HTR1D: variants seen among roughly 807,000 people sequenced by gnomAD.
HTR1D encodes 5-HT-1D.
A neutral mutation model predicts 21.1 loss-of-function variants in HTR1D; 18 were observed. The observed-to-expected ratio is 0.85, with a 90% CI of 0.59 to 1.27. HTR1D has a LOEUF of 1.27. HTR1D is among the 50% of genes most tolerant of loss of function. The pLI, the probability that HTR1D is intolerant of heterozygous loss-of-function variation, is 0.00. For synonymous variants in HTR1D, 196 were observed against 204.4 expected, an observed-to-expected ratio of 0.96 and a Z score of 0.35; for missense variants, 456 against 481.4, an observed-to-expected ratio of 0.95 and a Z score of 0.49.
At chr1:23,212,504 C>T (rs78667069) in intron 1 of HTR1D, among the ~76,000 whole-genome samples, 20,112 of 152,190 alleles carry the variant, frequency 0.13, 1,653 homozygotes, top group South Asian at 0.32. Context: ...TCTGTGCCAA[C>T]ACAGTGCCTC....
intron 1 of HTR1D, among the ~76,000 whole-genome samples, chr1:23,213,244 G>A (rs1644760785): frequency 6.6e-6 from 1 of 152,090 alleles, no homozygotes; most frequent in Non-Finnish European, 1.5e-5. Context: ...ATAAGGGTTG[G>A]GAGGTCGAGG....
In HTR1D at chr1:23,193,918, G is replaced by C; in HGVS notation, c.302C>G (p.Thr101Ser). Residue 101 changes from threonine to serine, a missense_variant, in exon 2 of 2, where the codon ACC (threonine) becomes AGC (serine). Physicochemically the swap from Thr to Ser is moderately conservative, Grantham distance 58 (BLOSUM62 1). Transcript: ENST00000374619. ...GATTTGGCCAAAGTTCCAGGTGTGG[G>C]TGATGGTATAGGCGATGCTGATGGG... ...VMPISIAYTI[T>S]HTWNFGQILC... The C allele has an allele frequency of 1.9e-6, 3 of 1,614,264 alleles. No individual in the cohort carries two copies. The highest frequency in any genetic ancestry group is 2.5e-6 in the Non-Finnish European group (3 of 1,180,054).
At chr1:23,216,366 ATTG>A (rs1037338601) in intron 1 of HTR1D, among the ~76,000 whole-genome samples, 6 of 152,220 alleles carry the variant, frequency 3.9e-5, no homozygotes, top group Non-Finnish European at 2.9e-5. Flanking sequence ...TGGGGTGAGA[ATTG>A]TTGTCCCCAC....
intron 1 of HTR1D, among the ~76,000 whole-genome samples, chr1:23,214,406 G>A (rs1644765576): frequency 6.6e-6 from 1 of 151,984 alleles, no homozygotes; most frequent in African/African-American, 2.4e-5. Context: ...TAGCCTGGGT[G>A]ACAAAGCCAG....
Position 23,193,240 on chromosome 1 carries a change from C to G in HTR1D, c.980G>C (p.Cys327Ser). 6.2e-7 allele frequency: 1 copy of G among 1,614,128 alleles called. No individual in the cohort carries two copies. Among genetic ancestry groups the G allele is most frequent in the East Asian group, 2.2e-5 (1 of 44,882 alleles). ...CGGGTGGATCCAGCAGGAGTCCCGGCAGATGGGGAGGACCAGAGACACCAC... is the reference window on the plus strand; with the variant it reads ...CGGGTGGATCCAGCAGGAGTCCCGGGAGATGGGGAGGACCAGAGACACCAC... ...FFVVSLVLPI[C>S]RDSCWIHPAL... is the part of the protein sequence containing the mutation. Residue 327 changes from cysteine (C) to serine (S), a missense_variant, in exon 2 of 2, where the codon TGC becomes TCC. Physicochemically the swap from Cys to Ser is moderately radical, Grantham distance 112. Transcript: ENST00000374619.
chr1:23,192,071 A>G lies in HTR1D; in HGVS notation c.*1015T>C, dbSNP rs1027122992. On this transcript the variant is annotated 3_prime_UTR_variant, in exon 2 of 2. Coordinates refer to ENST00000374619, the MANE Select transcript of HTR1D (RefSeq NM_000864.5). ...CGTCTAAAGCCGGTCAATCTACCTCAAAGGGGTGATCATGGGTTTCAACTT... is the reference window on the plus strand; with the variant it reads ...CGTCTAAAGCCGGTCAATCTACCTCGAAGGGGTGATCATGGGTTTCAACTT... 2.6e-5 allele frequency: 4 copies of G among 152,060 alleles called. No homozygotes were observed. The highest frequency in any genetic ancestry group is 6.6e-5 in the Admixed American group (1 of 15,258). 9.4% of individuals were successfully genotyped at this position (152,060 alleles called of 1,614,324 possible).
At chr1:23,200,558 T>C (rs1158297077) in intron 1 of HTR1D, among the ~76,000 whole-genome samples, 2 of 152,318 alleles carry the variant, frequency 1.3e-5, no homozygotes. Flanking sequence ...TATTTATTTA[T>C]GGATAGGGTC....
chr1:23,214,211 G>A (rs796924263), intron 1 of HTR1D, among the ~76,000 whole-genome samples: 25 of 152,282 alleles, frequency 1.6e-4, no homozygotes, highest in African/African-American at 5.5e-4. Flanking sequence ...AGGATCACTT[G>A]AGCTCAGGAG....
At chr1:23,213,835 G>C (rs1644763439) in intron 1 of HTR1D, among the ~76,000 whole-genome samples, 1 of 152,116 alleles carries the variant, frequency 6.6e-6, no homozygotes, top group Non-Finnish European at 1.5e-5. Flanking sequence ...GTGGGATACA[G>C]GTGTGAGCCA....
intron 1 of HTR1D, among the ~76,000 whole-genome samples, chr1:23,206,628 TTTC>T (rs1405219839): frequency 1.3e-5 from 2 of 152,152 alleles, no homozygotes; most frequent in Non-Finnish European, 2.9e-5. Flanking sequence ...GAAAATGTCC[TTTC>T]TTCAGTCCCC....
At chr1:23,202,728 A>G (rs1256845428) in intron 1 of HTR1D, among the ~76,000 whole-genome samples, 2 of 152,194 alleles carry the variant, frequency 1.3e-5, no homozygotes, top group Non-Finnish European at 2.9e-5. Flanking sequence ...CACTCTGCAC[A>G]AATCAGGACA....
chr1:23,194,006 G>A lies in HTR1D; in HGVS notation c.214C>T (p.Pro72Ser), dbSNP rs759288808. The change falls in exon 2 of 2, where the codon CCT becomes TCT. Residue 72 changes from proline (P) to serine (S), a missense_variant. Pro to Ser is a moderately conservative substitution (Grantham distance 74). Transcript: ENST00000374619. ...TILLTRKLHT[P>S]ANYLIGSLAT... The stretch of plus-strand genomic sequence containing the variant: ...AGGGAGCCAATCAGGTAGTTGGCAG[G>A]GGTGTGGAGCTTCCTGGTGAGTAAG... The A allele has an allele frequency of 6.2e-7, 1 of 1,614,050 alleles. No individual in the cohort carries two copies. Among genetic ancestry groups the A allele is most frequent in the African/African-American group, 1.3e-5 (1 of 74,932 alleles).
At chr1:23,197,562 C>T (rs944553077) in intron 1 of HTR1D, among the ~76,000 whole-genome samples, 1 of 151,590 alleles carries the variant, frequency 6.6e-6, no homozygotes, top group Non-Finnish European at 1.5e-5. Context: ...GAAACCCCAT[C>T]TCTACTAAAA....
intron 1 of HTR1D, among the ~76,000 whole-genome samples, chr1:23,203,141 C>T (rs1644716327): frequency 6.6e-6 from 1 of 152,004 alleles, no homozygotes; most frequent in African/African-American, 2.4e-5. Context: ...CTCAGGTGAT[C>T]CCCCACCTCG....
intron 1 of HTR1D, among the ~76,000 whole-genome samples, chr1:23,211,212 C>G (rs1424619125): frequency 1.3e-5 from 2 of 152,174 alleles, no homozygotes; most frequent in Non-Finnish European, 2.9e-5. Context: ...GTTTCCTCAT[C>G]TATTCAACTA....
chr1:23,196,554 G>A (rs1303444726), intron 1 of HTR1D, among the ~76,000 whole-genome samples: 2 of 151,912 alleles, frequency 1.3e-5, no homozygotes, highest in Non-Finnish European at 2.9e-5. Flanking sequence ...GGAGGAGAGG[G>A]GAAAGCCTCA....
At position 23,193,295 on chromosome 1, in the gene HTR1D, C is replaced by T. The variant is rs752877750; in HGVS notation, c.925G>A (p.Ala309Thr). ...ATKILGIILG[A>T]FIICWLPFFV... is the part of the protein sequence containing the mutation. ...AAGGGCAGCCAGCAGATGATAAAGGCCCCCAGAATGATGCCCAGGATTTTA... is the reference window on the plus strand; with the variant it reads ...AAGGGCAGCCAGCAGATGATAAAGGTCCCCAGAATGATGCCCAGGATTTTA... Residue 309 changes from alanine (A) to threonine (T), a missense_variant, in exon 2 of 2, where the codon GCC becomes ACC. Transcript: ENST00000374619. 26 of 1,614,014 alleles carry T rather than the reference C, an allele frequency of 1.6e-5. No individual in the cohort carries two copies. The highest frequency in any genetic ancestry group is 2.1e-5 in the Non-Finnish European group (25 of 1,180,030).
At chr1:23,203,174 C>T (rs1019122702) in intron 1 of HTR1D, among the ~76,000 whole-genome samples, 2 of 152,170 alleles carry the variant, frequency 1.3e-5, no homozygotes, top group Admixed American at 6.6e-5. Context: ...GCTGGGATTA[C>T]AGGCATCAGC....
In HTR1D at chr1:23,193,835, G is replaced by C; in HGVS notation, c.385C>G (p.Leu129Val). The change falls in exon 2 of 2, where the codon CTC becomes GTC. Residue 129 changes from leucine to valine, a missense_variant. Physicochemically the swap from Leu to Val is conservative, Grantham distance 32 (BLOSUM62 1). Coordinates refer to ENST00000374619, the MANE Select transcript of HTR1D (RefSeq NM_000864.5). ...ITCCTASILH[L>V]CVIALDRYWA... The stretch of plus-strand genomic sequence containing the variant: ...TACCTGTCCAGAGCAATGACACAGA[G>C]ATGCAGGATGGAGGCTGTGCAGCAC... The C allele has an allele frequency of 6.2e-7, 1 of 1,614,260 alleles. No homozygotes were observed.
Sources: gnomAD v4.1 joint callset for allele counts (sites outside exome capture counted in the v4.1 genomes callset) on GRCh38, gnomAD v4.1.1 for gene constraint, MANE v1.5 for transcripts, NCBI Gene and HGNC (gene_info 2026-07-23, HGNC 2026-07-21) for gene names.